Variants in PCDHA8 observed in about 807,000 individuals in gnomAD.
PCDHA8 encodes protocadherin alpha-8.
Under a neutral mutation model 61.8 loss-of-function variants are expected in PCDHA8, and 53 were observed. The observed-to-expected ratio is 0.86, with a 90% CI of 0.69 to 1.08. The LOEUF (loss-of-function observed/expected upper bound fraction) is 1.08. Among genes scored for constraint, PCDHA8 ranks in the 50% least tolerant of loss-of-function variants. PCDHA8 has a pLI of 0.00. For missense variants in PCDHA8, 1,293 were observed against 1,245.0 expected (o/e 1.04, Z -0.58); for synonymous variants, 618 against 556.6 (o/e 1.11, Z -1.55).
At chr5:140,896,309 A>T (rs1554186897) in intron 1 of PCDHA8, among the ~76,000 whole-genome samples, 1 of 152,184 alleles carries the variant, frequency 6.6e-6, no homozygotes. Flanking sequence ...AAATCTTCAA[A>T]CTGCTTTCCA....
chr5:140,855,175 T>C (rs1554147660), intron 1 of PCDHA8, among the ~76,000 whole-genome samples: 1 of 149,898 alleles, frequency 6.7e-6, no homozygotes, highest in African/African-American at 2.4e-5. Context: ...TGAAAACAAA[T>C]GTGGCCAAAT....
intron 3 of PCDHA8, among the ~76,000 whole-genome samples, chr5:140,987,478 T>A (rs2097255782): frequency 6.6e-6 from 1 of 152,104 alleles, no homozygotes. Flanking sequence ...AGCTTGGGAG[T>A]CAGTGACCCT....
chr5:140,976,190 C>T (rs1402016343), intron 1 of PCDHA8, among the ~76,000 whole-genome samples: 17 of 152,040 alleles, frequency 1.1e-4, no homozygotes, highest in African/African-American at 4.1e-4. Context: ...AATCAATATC[C>T]TGGAAACTCA....
At chr5:140,936,184 C>T (rs572832347) in intron 1 of PCDHA8, among the ~76,000 whole-genome samples, 4 of 152,308 alleles carry the variant, frequency 2.6e-5, no homozygotes, top group African/African-American at 4.8e-5. Context: ...TAAACCACCA[C>T]GCCCAGCCAA....
At chr5:140,961,888 T>C (rs1361187779) in intron 1 of PCDHA8, among the ~76,000 whole-genome samples, 8 of 124,918 alleles carry the variant, frequency 6.4e-5, no homozygotes, top group Non-Finnish European at 9.4e-5. Context: ...CTTACATCAG[T>C]TTTTTTTTTT....
At chr5:140,957,070 C>T (rs1260856872) in intron 1 of PCDHA8, among the ~76,000 whole-genome samples, 2 of 151,958 alleles carry the variant, frequency 1.3e-5, no homozygotes, top group Non-Finnish European at 2.9e-5. Context: ...TGACTGAGGG[C>T]TTTTTATTAA....
At chr5:140,854,159 C>CAAAAAA (rs59855104) in intron 1 of PCDHA8, 412 of 341,018 alleles carry the variant, frequency 1.2e-3, no homozygotes, top group Non-Finnish European at 1.4e-3. Flanking sequence ...GATTCTGTCT[C>CAAAAAA]AAAAAAAAAA....
chr5:140,928,690 A>AT lies in PCDHA8; in HGVS notation c.2395-50258dup, dbSNP rs2085447249. On this transcript the variant is annotated intron_variant, in intron 1 of 3. Transcript: ENST00000531613. ...TTCTAATGCCTGGCTTTCCTACCAC[A>AT]TCTCCCGGGCGTCTGACTCTAGTCT... 6 of 1,614,180 alleles carry AT rather than the reference A, an allele frequency of 3.7e-6. No homozygotes were observed. The African/African-American group carries it at 4.0e-5, about 11-fold the overall frequency.
At chr5:140,969,765 G>T (rs1445266469) in intron 1 of PCDHA8, among the ~76,000 whole-genome samples, 5 of 152,148 alleles carry the variant, frequency 3.3e-5, no homozygotes, top group Non-Finnish European at 7.3e-5. Flanking sequence ...AAGCTCTGAG[G>T]CCTCTAGGGG....
At position 140,843,448 on chromosome 5, in the gene PCDHA8, C is replaced by A. The variant is rs2150360253; in HGVS notation, c.2127C>A (p.Ser709Arg). 12 of 1,595,998 alleles carry A rather than the reference C, an allele frequency of 7.5e-6. 1 individual carries two copies. The highest frequency in any genetic ancestry group is 1.3e-5 in the African/African-American group (1 of 74,422). ...TCATCGCCATCTGCGCGGTATCCAGCCTGCTGGTGCTCACGCTGCTGCTGT... is the reference window on the plus strand; with the variant it reads ...TCATCGCCATCTGCGCGGTATCCAGACTGCTGGTGCTCACGCTGCTGCTGT... The part of the protein sequence containing the change: ...YLIIAICAVS[S>R]LLVLTLLLYT... The change falls in exon 1 of 4, where the codon AGC becomes AGA. Residue 709 changes from serine (S) to arginine (R), a missense_variant. Transcript: ENST00000531613.
intron 1 of PCDHA8, among the ~76,000 whole-genome samples, chr5:140,931,209 A>G (rs1554208285): frequency 6.6e-6 from 1 of 152,184 alleles, no homozygotes; most frequent in African/African-American, 2.4e-5. Flanking sequence ...CTAGTATTTC[A>G]GGTATCAGAG....
intron 1 of PCDHA8, among the ~76,000 whole-genome samples, chr5:140,879,326 T>C (rs1554170752): frequency 6.6e-6 from 1 of 152,232 alleles, no homozygotes. Flanking sequence ...CTCACTTTTT[T>C]AGTTTGTTCA....
At chr5:140,977,094 T>C (rs1291290436) in intron 1 of PCDHA8, among the ~76,000 whole-genome samples, 1 of 152,206 alleles carries the variant, frequency 6.6e-6, no homozygotes, top group Non-Finnish European at 1.5e-5. Context: ...AATGTGTCAT[T>C]GGGGAAGTGA....
chr5:140,884,811 T>C (rs782097563), intron 1 of PCDHA8: 155 of 1,119,034 alleles, frequency 1.4e-4, no homozygotes, highest in Non-Finnish European at 1.9e-4. Context: ...AACTCTGCTG[T>C]GGACATTATG....
chr5:140,967,379 A>G (rs1554229509), intron 1 of PCDHA8: 2 of 1,608,268 alleles, frequency 1.2e-6, no homozygotes, highest in East Asian at 2.2e-5. Flanking sequence ...GGAGAACAGT[A>G]AAGTGCTTGA....
At chr5:140,848,649 C>T in intron 1 of PCDHA8, 3 of 1,593,016 alleles carry the variant, frequency 1.9e-6, no homozygotes, top group Admixed American at 1.7e-5. Context: ...CGCGCAGGAC[C>T]TGGGGCTGGA....
intron 1 of PCDHA8, among the ~76,000 whole-genome samples, chr5:140,962,457 G>T (rs1563323233): frequency 6.6e-6 from 1 of 151,950 alleles, no homozygotes; most frequent in Non-Finnish European, 1.5e-5. Flanking sequence ...AATCTCTTAT[G>T]GCTTGAATCT....
intron 1 of PCDHA8, among the ~76,000 whole-genome samples, chr5:140,950,807 A>G (rs2094520743): frequency 6.6e-6 from 1 of 152,104 alleles, no homozygotes; most frequent in African/African-American, 2.4e-5. Context: ...TGGTTTTACC[A>G]TAGTAGGGTT....
rs782684247 is a variant in PCDHA8, at chr5:140,870,024, A to T, written c.2394+26309A>T. The T allele has an allele frequency of 3.1e-6, 5 of 1,613,624 alleles. No individual in the cohort carries two copies. The Admixed American group carries it at 6.7e-5, about 22-fold the overall frequency. On this transcript the variant is annotated intron_variant, in intron 1 of 3. Coordinates refer to ENST00000531613, the MANE Select transcript of PCDHA8 (RefSeq NM_018911.3). The stretch of plus-strand genomic sequence containing the variant: ...GAGAAGTGAGGGTCAATGGAACTTT[A>T]GATTATGAAGAAAACAAGTTTTATA...
Sources: gnomAD v4.1 joint callset for allele counts (sites outside exome capture counted in the v4.1 genomes callset) on GRCh38, gnomAD v4.1.1 for gene constraint, MANE v1.5 for transcripts, NCBI Gene and HGNC (gene_info 2026-07-23, HGNC 2026-07-21) for gene names.